FDFT1: variants seen among roughly 807,000 people sequenced by gnomAD.
FDFT1 encodes squalene synthase.
Under a neutral mutation model 46.8 loss-of-function variants are expected in FDFT1, and 68 were observed. That is an observed-to-expected ratio of 1.45 (90% CI 1.19 to 1.78). The LOEUF is 1.78. Ranked by LOEUF, FDFT1 falls within the 40% of genes most tolerant of loss-of-function variation. The pLI, the probability that FDFT1 is intolerant of heterozygous loss-of-function variation, is 0.00. For synonymous variants in FDFT1, 351 were observed against 185.1 expected, an observed-to-expected ratio of 1.90 and a Z score of -7.28; for missense variants, 928 against 524.4, an observed-to-expected ratio of 1.77 and a Z score of -7.52.
intron 1 of FDFT1, among the ~76,000 whole-genome samples, chr8:11,805,378 C>T (rs1392507253): frequency 6.6e-6 from 1 of 152,216 alleles, no homozygotes; most frequent in East Asian, 1.9e-4. Flanking sequence ...CATATGCCGC[C>T]TGCAAGTTGT....
intron 1 of FDFT1, chr8:11,803,577 T>C: frequency 1.2e-6 from 1 of 840,522 alleles, no homozygotes; most frequent in Non-Finnish European, 1.6e-6. Flanking sequence ...ATTTGTTTAA[T>C]GAATGCATAG....
intron 7 of FDFT1, among the ~76,000 whole-genome samples, chr8:11,833,035 A>G (rs1021393678): frequency 4.6e-5 from 7 of 152,136 alleles, no homozygotes; most frequent in Admixed American, 1.3e-4. Flanking sequence ...CCCTACCTTT[A>G]TCTGACACAG....
chr8:11,799,452 A>G (rs1324875762), upstream of FDFT1, among the ~76,000 whole-genome samples: 3 of 152,220 alleles, frequency 2.0e-5, no homozygotes, highest in Non-Finnish European at 2.9e-5. Flanking sequence ...GCCTGACTTC[A>G]CCATTGCCTG....
intron 7 of FDFT1, among the ~76,000 whole-genome samples, chr8:11,837,311 A>G (rs1323313609): frequency 1.3e-5 from 2 of 152,004 alleles, no homozygotes. Context: ...GATCACTGCA[A>G]CCTCCACCTC....
intron 4 of FDFT1, among the ~76,000 whole-genome samples, chr8:11,825,037 ATG>A (rs1423802590): frequency 1.3e-5 from 2 of 152,182 alleles, no homozygotes; most frequent in African/African-American, 4.8e-5. Context: ...GCCCGGCTGA[ATG>A]TGCAGAGTTC....
chr8:11,815,958 A>G (rs928022523), intron 3 of FDFT1, among the ~76,000 whole-genome samples: 10 of 152,180 alleles, frequency 6.6e-5, no homozygotes, highest in African/African-American at 2.4e-4. Context: ...TATGTCCTGA[A>G]TGGTATTGAC....
chr8:11,799,741 A>AT, upstream of FDFT1, among the ~76,000 whole-genome samples: 1 of 151,684 alleles, frequency 6.6e-6, no homozygotes, highest in Non-Finnish European at 1.5e-5. Flanking sequence ...AGGTCAAGAG[A>AT]TTGAGACCAT....
intron 3 of FDFT1, among the ~76,000 whole-genome samples, chr8:11,818,751 G>A (rs547385968): frequency 6.6e-6 from 1 of 152,024 alleles, no homozygotes; most frequent in South Asian, 2.1e-4. Context: ...GTGCATCTCT[G>A]CACGTGAGAC....
chr8:11,808,715 C>CG, intron 1 of FDFT1, 79 bp from the exon 2 acceptor site: 1 of 6,588 alleles, frequency 1.5e-4, no homozygotes, highest in Non-Finnish European at 2.9e-4. Context: ...CCCAGTCCCA[C>CG]TCCCACTCCC....
Position 11,839,167 on chromosome 8 carries a change from C to G in FDFT1, c.*558C>G. The G allele has an allele frequency of 6.5e-6, 1 of 154,854 alleles. No individual in the cohort carries two copies. The highest frequency in any genetic ancestry group is 1.4e-5 in the Non-Finnish European group (1 of 69,460). 9.6% of individuals were successfully genotyped at this position (154,854 alleles called of 1,614,324 possible). A position where few individuals can be genotyped will look rare whatever the true frequency, so the allele number is the denominator to read the frequency against. On this transcript the variant is annotated 3_prime_UTR_variant, in exon 8 of 8. Coordinates refer to ENST00000220584, the MANE Select transcript of FDFT1 (RefSeq NM_004462.5). ...CTGGGAATAAAATTCTGGGTATTCTCGTATTCTCATTTAAAGGAGTTTAGC... is the reference window on the plus strand; with the variant it reads ...CTGGGAATAAAATTCTGGGTATTCTGGTATTCTCATTTAAAGGAGTTTAGC...
At chr8:11,808,480 G>C (rs1048210688) in intron 1 of FDFT1, 2 of 1,324,424 alleles carry the variant, frequency 1.5e-6, no homozygotes, top group South Asian at 2.2e-5. Context: ...ATCTGCTTGA[G>C]TCTATGGAGG....
chr8:11,800,107 A>G (rs1347905213), upstream of FDFT1, among the ~76,000 whole-genome samples: 1 of 150,582 alleles, frequency 6.6e-6, no homozygotes, highest in Non-Finnish European at 1.5e-5. Flanking sequence ...TAAAAATCGA[A>G]AAATTACCCA....
chr8:11,823,548 C>G (rs1031659258), intron 4 of FDFT1, among the ~76,000 whole-genome samples: 8 of 151,922 alleles, frequency 5.3e-5, no homozygotes, highest in Non-Finnish European at 1.2e-4. Context: ...CCTGATTAGT[C>G]TCTGGCTTTG....
At chr8:11,798,571 A>G (rs557770318), upstream of FDFT1, among the ~76,000 whole-genome samples, 5 of 152,380 alleles carry the variant, frequency 3.3e-5, 1 homozygote, top group South Asian at 8.3e-4. Flanking sequence ...GGCGTTATCA[A>G]TGACACCTGG....
upstream of FDFT1, among the ~76,000 whole-genome samples, chr8:11,797,313 T>A (rs1354504729): frequency 6.6e-6 from 1 of 152,204 alleles, no homozygotes; most frequent in Non-Finnish European, 1.5e-5. Context: ...GTCTGGCTGT[T>A]ATCCATTCGT....
At chr8:11,803,706 C>T in intron 1 of FDFT1, 1 of 261,178 alleles carries the variant, frequency 3.8e-6, no homozygotes, top group Non-Finnish European at 7.4e-6. Context: ...TTTTTTGGGC[C>T]AACAGGACAG....
At chr8:11,813,511 G>A (rs890057212) in intron 3 of FDFT1, among the ~76,000 whole-genome samples, 4 of 152,164 alleles carry the variant, frequency 2.6e-5, no homozygotes, top group African/African-American at 7.2e-5. Context: ...GAGAAATTAA[G>A]TACTTTGCCT....
chr8:11,823,051 C>A (rs1206943842), intron 4 of FDFT1, among the ~76,000 whole-genome samples: 1 of 152,116 alleles, frequency 6.6e-6, no homozygotes, highest in South Asian at 2.1e-4. Context: ...ACCTCCTGGG[C>A]TCAGGTGATC....
chr8:11,829,433 C>G (rs1394877576), intron 5 of FDFT1, among the ~76,000 whole-genome samples: 1 of 152,178 alleles, frequency 6.6e-6, no homozygotes, highest in African/African-American at 2.4e-5. Flanking sequence ...AGGTGTAATA[C>G]ACTTAGAGGA....
Sources: gnomAD v4.1 joint callset for allele counts (sites outside exome capture counted in the v4.1 genomes callset) on GRCh38, gnomAD v4.1.1 for gene constraint, MANE v1.5 for transcripts, NCBI Gene and HGNC (gene_info 2026-07-23, HGNC 2026-07-21) for gene names.